OSBP2: variants seen among roughly 807,000 people sequenced by gnomAD.
The protein encoded by OSBP2 is oxysterol-binding protein 2.
A neutral mutation model predicts 96.0 loss-of-function variants in OSBP2; 66 were observed. The observed-to-expected ratio is 0.69, with a 90% confidence interval of 0.56 to 0.84. The LOEUF is 0.84. Ranked by LOEUF, OSBP2 falls within the 40% of genes least tolerant of loss-of-function variation. The pLI, the probability that OSBP2 is intolerant of heterozygous loss-of-function variation, is 0.00. For synonymous variants in OSBP2, 525 were observed against 520.9 expected (o/e 1.01, Z -0.11); for missense variants, 1,038 against 1,222.7 (o/e 0.85, Z 2.25).
chr22:30,742,883 C>T (rs1184227088), intron 2 of OSBP2, among the ~76,000 whole-genome samples: 3 of 152,134 alleles, frequency 2.0e-5, no homozygotes, highest in South Asian at 2.1e-4. Context: ...TCAGTGGGCG[C>T]GTACATTTGT....
chr22:30,896,006 G>A (rs2040058480), intron 12 of OSBP2, among the ~76,000 whole-genome samples: 1 of 151,334 alleles, frequency 6.6e-6, no homozygotes, highest in Non-Finnish European at 1.5e-5. Context: ...GAATAAAGGG[G>A]TTTTGTTTGT....
At chr22:30,886,084 A>C (rs1017381019) in intron 3 of OSBP2, among the ~76,000 whole-genome samples, 4 of 152,280 alleles carry the variant, frequency 2.6e-5, no homozygotes, top group Non-Finnish European at 5.9e-5. Flanking sequence ...ATTCTCAGCC[A>C]AATATGAGTG....
chr22:30,694,079 C>CTCCACAACT (rs2088973660), upstream of OSBP2: 1 of 1,002,968 alleles, frequency 1.0e-6, no homozygotes, highest in Non-Finnish European at 1.4e-6. Context: ...ACAGGTAAAC[C>CTCCACAACT]TCTGCGGAAG....
chr22:30,770,866 C>G (rs2090338213), intron 2 of OSBP2, among the ~76,000 whole-genome samples: 1 of 152,200 alleles, frequency 6.6e-6, no homozygotes, highest in Non-Finnish European at 1.5e-5. Flanking sequence ...GCTTCAAATT[C>G]TTAGGTAAGA....
intron 1 of OSBP2, among the ~76,000 whole-genome samples, chr22:30,714,797 G>A (rs136386): frequency 0.87 from 131,702 of 152,060 alleles, 57,182 homozygotes; most frequent in East Asian, 1. Context: ...TTGTATTTTA[G>A]TAGAGATGGG....
At chr22:30,815,098 G>A (rs1337153559) in intron 2 of OSBP2, among the ~76,000 whole-genome samples, 3 of 152,134 alleles carry the variant, frequency 2.0e-5, no homozygotes, top group East Asian at 1.9e-4. Flanking sequence ...CCTGGGCAAC[G>A]TGGTGAAACC....
At chr22:30,861,831 G>A (rs1417269521) in intron 2 of OSBP2, among the ~76,000 whole-genome samples, 3 of 152,268 alleles carry the variant, frequency 2.0e-5, no homozygotes, top group African/African-American at 4.8e-5. Flanking sequence ...GGCCCTCGCC[G>A]CTTCTATCTC....
At chr22:30,722,502 A>G (rs1193176567) in intron 1 of OSBP2, among the ~76,000 whole-genome samples, 1 of 152,152 alleles carries the variant, frequency 6.6e-6, no homozygotes, top group Non-Finnish European at 1.5e-5. Context: ...ATACCTAAAA[A>G]TTTAACAATA....
chr22:30,816,953 T>G (rs940576610), intron 2 of OSBP2, among the ~76,000 whole-genome samples: 11 of 152,172 alleles, frequency 7.2e-5, no homozygotes, highest in African/African-American at 2.7e-4. Flanking sequence ...CAGGTTGATT[T>G]TGAACTCCTG....
At chr22:30,812,609 A>G (rs2091024389) in intron 2 of OSBP2, among the ~76,000 whole-genome samples, 1 of 152,204 alleles carries the variant, frequency 6.6e-6, no homozygotes, top group African/African-American at 2.4e-5. Context: ...CATCTTTTAC[A>G]TATGTGTGAG....
rs563756939 is a variant in OSBP2, at chr22:30,811,296, T to G, written c.854-59133T>G. Reference sequence around the variant, plus strand: ...TACAAATACATCTCTTTTATTTCTTTTTAGTTTCTGATTTTATTTTTTTTA... The same window carrying G: ...TACAAATACATCTCTTTTATTTCTTGTTAGTTTCTGATTTTATTTTTTTTA... On this transcript the variant is annotated intron_variant, in intron 2 of 13. Transcript: ENST00000332585. Among the ~76,000 whole-genome samples, 98 of 151,020 alleles carry G rather than the reference T, an allele frequency of 6.5e-4. 2 individuals carry two copies. In the South Asian group the frequency reaches 0.018, roughly 28 times the overall value.
At chr22:30,838,489 A>G (rs2038681118) in intron 2 of OSBP2, among the ~76,000 whole-genome samples, 1 of 152,132 alleles carries the variant, frequency 6.6e-6, no homozygotes. Flanking sequence ...ATTGGCTGGA[A>G]CCTCCAGTAC....
chr22:30,794,805 A>T (rs1035733750), intron 2 of OSBP2, among the ~76,000 whole-genome samples: 1 of 151,816 alleles, frequency 6.6e-6, no homozygotes, highest in African/African-American at 2.4e-5. Flanking sequence ...AAAAAAAAAA[A>T]ATTCCCGTTA....
Position 30,881,893 on chromosome 22 carries a change from G to T in OSBP2, c.1108-5533G>T. ...ATGTGCTGTGGGGGTAAAGGTCTTG[G>T]GTGCAGCCACATGAGGCCTTTGATA... On this transcript the variant is annotated intron_variant, in intron 3 of 13. Coordinates refer to ENST00000332585, the MANE Select transcript of OSBP2 (RefSeq NM_030758.4). The surrounding 1 kb of genome is among the most constrained non-coding windows in gnomAD (Gnocchi z 4.5). 1 of 1,165,154 alleles carries T rather than the reference G, an allele frequency of 8.6e-7. No homozygotes were observed. The highest frequency in any genetic ancestry group is 1.3e-5 in the South Asian group (1 of 75,244). The allele number at this position is 1,165,154 out of a possible 1,614,324, so 72.2% of individuals were successfully genotyped here.
intron 5 of OSBP2, among the ~76,000 whole-genome samples, chr22:30,888,638 G>C (rs2147152560): frequency 6.6e-6 from 1 of 152,294 alleles, no homozygotes; most frequent in South Asian, 2.1e-4. Context: ...TGAAGTGGGA[G>C]GGTCGCTTGA....
chr22:30,811,736 G>A (rs948305229), intron 2 of OSBP2, among the ~76,000 whole-genome samples: 3 of 151,464 alleles, frequency 2.0e-5, no homozygotes, highest in Non-Finnish European at 4.4e-5. Flanking sequence ...TGTGTTTTTA[G>A]TAGAGACGGG....
intron 1 of OSBP2, among the ~76,000 whole-genome samples, chr22:30,735,700 G>C (rs1323463225): frequency 6.6e-6 from 1 of 151,576 alleles, no homozygotes; most frequent in Admixed American, 6.6e-5. Flanking sequence ...TGGCTGAAGC[G>C]ATTCTTCTTC....
chr22:30,826,642 C>A (rs1470766213), intron 2 of OSBP2, among the ~76,000 whole-genome samples: 1 of 152,176 alleles, frequency 6.6e-6, no homozygotes, highest in Non-Finnish European at 1.5e-5. Flanking sequence ...TGGGTTTTAC[C>A]TGTGTCTTAA....
At chr22:30,833,856 T>G (rs2147010997) in intron 2 of OSBP2, among the ~76,000 whole-genome samples, 1 of 152,320 alleles carries the variant, frequency 6.6e-6, no homozygotes, top group Admixed American at 6.5e-5. Context: ...GAAAGTATGT[T>G]TTCTATAGTA....
Sources: allele counts gnomAD v4.1 joint callset (sites outside exome capture counted in the v4.1 genomes callset), GRCh38; gene constraint gnomAD v4.1.1; non-coding constraint Gnocchi (gnomAD v3.1); transcripts MANE v1.5; gene names NCBI Gene and HGNC (gene_info 2026-07-23, HGNC 2026-07-21).